ATXN1: variants seen among roughly 807,000 people sequenced by gnomAD.
The protein encoded by ATXN1 is ataxin-1.
Under a neutral mutation model 56.4 loss-of-function variants are expected in ATXN1, and 8 were observed. The ratio of observed to expected loss-of-function variants is 0.14; its 90% CI spans 0.08 to 0.26. The LOEUF (loss-of-function observed/expected upper bound fraction) is 0.26, where lower values mean the gene tolerates loss of function less well. ATXN1 is among the 10% of genes least tolerant of loss of function. The pLI is 1.00. For synonymous variants in ATXN1, 514 were observed against 494.6 expected, an observed-to-expected ratio of 1.04 and a Z score of -0.52; for missense variants, 987 against 1,106.5, an observed-to-expected ratio of 0.89 and a Z score of 1.53.
chr6:16,521,629 A>C (rs760643885), intron 5 of ATXN1, among the ~76,000 whole-genome samples: 3 of 152,260 alleles, frequency 2.0e-5, no homozygotes, highest in Non-Finnish European at 2.9e-5. Context: ...TCAGATTTGT[A>C]CTTCAATATA....
intron 7 of ATXN1, among the ~76,000 whole-genome samples, chr6:16,321,943 C>T (rs555988253): frequency 5.3e-5 from 8 of 152,298 alleles, no homozygotes; most frequent in East Asian, 3.9e-4. Flanking sequence ...CATACGTGGC[C>T]GGGCGCCGTG....
chr6:16,667,617 G>C (rs1359432015), intron 2 of ATXN1: 1 of 152,248 alleles, frequency 6.6e-6, no homozygotes, highest in Admixed American at 6.5e-5. Context: ...CGAATCCCCT[G>C]TTTATTCCTC....
intron 7 of ATXN1, among the ~76,000 whole-genome samples, chr6:16,316,865 C>CTGTTTTTTTTTTTTTTTT (rs1760522505): frequency 1.0e-5 from 1 of 99,500 alleles, no homozygotes; most frequent in Non-Finnish European, 1.8e-5. Context: ...GACTGCCTGT[C>CTGTTTTTTTTTTTTTTTT]TTTTTTTTTT....
At chr6:16,416,356 A>G (rs1029940665) in intron 6 of ATXN1, among the ~76,000 whole-genome samples, 2 of 152,364 alleles carry the variant, frequency 1.3e-5, no homozygotes, top group Non-Finnish European at 2.9e-5. Flanking sequence ...TATTGGCTCA[A>G]TAATTAATAC....
chr6:16,385,371 C>A (rs1369458799), intron 6 of ATXN1, among the ~76,000 whole-genome samples: 2 of 152,188 alleles, frequency 1.3e-5, no homozygotes, highest in Admixed American at 1.3e-4. Context: ...TCGGGAGGAA[C>A]TTGCTGCAAT....
intron 6 of ATXN1, among the ~76,000 whole-genome samples, chr6:16,389,074 C>T (rs188018151): frequency 1.5e-3 from 229 of 152,264 alleles, no homozygotes; most frequent in Non-Finnish European, 2.6e-3. Flanking sequence ...TGGTGGCTCA[C>T]GCCTGTAATC....
chr6:16,562,540 A>T (rs957189693), intron 4 of ATXN1, among the ~76,000 whole-genome samples: 14 of 151,054 alleles, frequency 9.3e-5, no homozygotes, highest in African/African-American at 3.2e-4. Context: ...AGAAAAAGAA[A>T]AGAAAAGAAA....
chr6:16,331,185 G>C (rs1760983677), intron 6 of ATXN1, among the ~76,000 whole-genome samples: 1 of 152,160 alleles, frequency 6.6e-6, no homozygotes, highest in African/African-American at 2.4e-5. Flanking sequence ...ATTTTTAGTA[G>C]AGGCGGAGTT....
Position 16,476,581 on chromosome 6 carries a change from T to A in ATXN1, c.-161+9391A>T, listed in dbSNP as rs141022714. Among the ~76,000 whole-genome samples, 520 of 152,000 alleles carry A rather than the reference T, an allele frequency of 3.4e-3. 3 individuals are homozygous for A. Among genetic ancestry groups the A allele is most frequent in the African/African-American group, 0.012 (494 of 41,478 alleles). On this transcript the variant is annotated intron_variant, in intron 6 of 7. Coordinates refer to ENST00000436367, the MANE Select transcript of ATXN1 (RefSeq NM_001128164.2). ...CTCCACTGTATCAAAATGTACTTAATAGGTATTTATTGTTTCAGGAATATA... is the reference window on the plus strand; with the variant it reads ...CTCCACTGTATCAAAATGTACTTAAAAGGTATTTATTGTTTCAGGAATATA...
At chr6:16,572,735 T>C (rs1311430590) in intron 4 of ATXN1, among the ~76,000 whole-genome samples, 2 of 152,194 alleles carry the variant, frequency 1.3e-5, no homozygotes, top group Non-Finnish European at 2.9e-5. Flanking sequence ...GGTGATATTA[T>C]CTACGTTGAA....
intron 6 of ATXN1, among the ~76,000 whole-genome samples, chr6:16,469,585 A>C (rs1034630265): frequency 2.0e-5 from 3 of 152,216 alleles, no homozygotes; most frequent in Non-Finnish European, 4.4e-5. Context: ...CAGAAAGTCT[A>C]CCTACAGTTC....
chr6:16,649,303 G>C (rs145738025), intron 3 of ATXN1, among the ~76,000 whole-genome samples: 2,553 of 152,016 alleles, frequency 0.017, 32 homozygotes, highest in Admixed American at 0.026. Context: ...ATAGTAACAA[G>C]TATATTCCTA....
intron 3 of ATXN1, among the ~76,000 whole-genome samples, chr6:16,632,415 T>C (rs1763520665): frequency 6.6e-6 from 1 of 152,118 alleles, no homozygotes; most frequent in African/African-American, 2.4e-5. Context: ...GTGCTTTCCA[T>C]GAGATTGTTA....
intron 2 of ATXN1, among the ~76,000 whole-genome samples, chr6:16,727,287 T>C (rs1684282549): frequency 6.6e-6 from 1 of 152,290 alleles, no homozygotes; most frequent in Non-Finnish European, 1.5e-5. Context: ...GCAATTAATT[T>C]TGGATCCATA....
At chr6:16,480,154 CAAAAA>C (rs60209783) in intron 6 of ATXN1, among the ~76,000 whole-genome samples, 6 of 79,126 alleles carry the variant, frequency 7.6e-5, no homozygotes, top group African/African-American at 1.6e-4. Context: ...ACTTCATCTG[CAAAAA>C]AAAAAAAAAA....
rs1760804749 is a variant in ATXN1 at position 16,326,363 on chromosome 6, C to T, written c.1917+31G>A. ...TGATGATGGCATCACGGTGTGGTGT[C>T]CCATCCCTGTGCCACCCTGGCTAAC... On this transcript the variant is annotated intron_variant, in intron 7 of 7. Coordinates refer to ENST00000436367, the MANE Select transcript of ATXN1 (RefSeq NM_001128164.2). The surrounding 1 kb of genome is among the most constrained non-coding windows in gnomAD (Gnocchi z 6.6). 1.9e-6 allele frequency: 3 copies of T among 1,608,592 alleles called. No homozygotes were observed. Among genetic ancestry groups the T allele is most frequent in the Non-Finnish European group, 2.5e-6 (3 of 1,177,920 alleles).
intron 4 of ATXN1, among the ~76,000 whole-genome samples, chr6:16,550,008 T>C (rs1295444282): frequency 6.6e-6 from 1 of 151,018 alleles, no homozygotes; most frequent in African/African-American, 2.4e-5. Flanking sequence ...CCGGGGTCTG[T>C]TGGGGACTGG....
chr6:16,566,721 T>G (rs236946), intron 4 of ATXN1, among the ~76,000 whole-genome samples: 39,200 of 151,312 alleles, frequency 0.26, 6,460 homozygotes, highest in East Asian at 0.88. Flanking sequence ...CCGGGCATGG[T>G]GGTGGGTTCC....
chr6:16,724,610 G>A (rs1001810434), intron 2 of ATXN1, among the ~76,000 whole-genome samples: 4 of 152,292 alleles, frequency 2.6e-5, no homozygotes, highest in African/African-American at 9.6e-5. Context: ...ATTCAGACCC[G>A]AGTTCTATGT....
Sources: gnomAD v4.1 joint callset for allele counts (sites outside exome capture counted in the v4.1 genomes callset) on GRCh38, gnomAD v4.1.1 for gene constraint, Gnocchi (gnomAD v3.1) non-coding constraint, MANE v1.5 for transcripts, NCBI Gene and HGNC (gene_info 2026-07-23, HGNC 2026-07-21) for gene names.